The following TTC27 variants were observed in gnomAD, a reference collection of about 807,000 sequenced individuals.
The protein encoded by TTC27 is tetratricopeptide repeat protein 27.
In TTC27, 79 loss-of-function variants were observed where a neutral mutation model predicts 115.9. The ratio of observed to expected loss-of-function variants is 0.68; its 90% CI spans 0.57 to 0.82. The LOEUF (loss-of-function observed/expected upper bound fraction) is 0.82, where lower values mean the gene tolerates loss of function less well. Among genes scored for constraint, TTC27 ranks in the 40% least tolerant of loss-of-function variants. TTC27 has a pLI of 0.00. For missense variants in TTC27, 1,054 were observed against 993.1 expected (o/e 1.06, Z -0.82); for synonymous variants, 401 against 356.0 (o/e 1.13, Z -1.42).
intron 9 of TTC27, among the ~76,000 whole-genome samples, chr2:32,700,442 A>G (rs930634568): frequency 9.9e-5 from 15 of 152,184 alleles, no homozygotes; most frequent in Admixed American, 7.9e-4. Context: ...AATCCCTTTA[A>G]TAAGATGAAA....
intron 9 of TTC27, among the ~76,000 whole-genome samples, chr2:32,693,266 C>T (rs1469330141): frequency 6.6e-6 from 1 of 152,168 alleles, no homozygotes; most frequent in Non-Finnish European, 1.5e-5. Context: ...GAGGGGAGGA[C>T]TTCTGTTGTC....
At chr2:32,658,818 A>G (rs770518399) in intron 5 of TTC27, among the ~76,000 whole-genome samples, 1 of 152,134 alleles carries the variant, frequency 6.6e-6, no homozygotes, top group Non-Finnish European at 1.5e-5. Context: ...TTTATTTCAG[A>G]TGCTGTTTTA....
chr2:32,715,648 G>A (rs946042358), intron 10 of TTC27, among the ~76,000 whole-genome samples: 19 of 152,104 alleles, frequency 1.2e-4, no homozygotes, highest in Admixed American at 2.6e-4. Context: ...GGAGATTATT[G>A]CTCCTGTGTG....
rs545466744 is a variant in TTC27, at chr2:32,737,122, C to T, written c.1452+306C>T. ...ATCATTTTAATGATCACTGGGTTGC[C>T]TGATGATCAGATGCTGTGGGCCTCA... On this transcript the variant is annotated intron_variant, in intron 12 of 19. Coordinates refer to ENST00000317907, the MANE Select transcript of TTC27 (RefSeq NM_017735.5). Among the ~76,000 whole-genome samples the T allele has an allele frequency of 1.3e-3, 201 of 152,218 alleles. 1 individual carries two copies. The highest frequency in any genetic ancestry group is 4.6e-3 in the African/African-American group (193 of 41,532).
intron 12 of TTC27, among the ~76,000 whole-genome samples, chr2:32,741,712 C>T (rs1668654176): frequency 6.6e-6 from 1 of 151,970 alleles, no homozygotes; most frequent in Non-Finnish European, 1.5e-5. Flanking sequence ...CAGAACCTGG[C>T]AAAGTTTTGG....
Position 32,811,881 on chromosome 2 carries a change from G to A in TTC27, c.2197-623G>A, listed in dbSNP as rs183713287. On this transcript the variant is annotated intron_variant, in intron 17 of 19. Coordinates refer to ENST00000317907, the MANE Select transcript of TTC27 (RefSeq NM_017735.5). ...TTGCGTGGGTTTGGAATTAGCCACGGCACAGCTAATCTGTGGGATTCTTAG... is the reference window on the plus strand; with the variant it reads ...TTGCGTGGGTTTGGAATTAGCCACGACACAGCTAATCTGTGGGATTCTTAG... Among the ~76,000 whole-genome samples, 50 of 152,250 alleles carry A rather than the reference G, an allele frequency of 3.3e-4. No homozygotes were observed. The East Asian group carries it at 9.5e-3, about 29-fold the overall frequency.
intron 10 of TTC27, among the ~76,000 whole-genome samples, chr2:32,726,247 A>C (rs143365176): frequency 0.017 from 2,596 of 152,300 alleles, 82 homozygotes; most frequent in African/African-American, 0.058. Context: ...TCTCCTCAGA[A>C]AATGGGATTT....
At chr2:32,804,052 A>G (rs1671050926) in intron 16 of TTC27, among the ~76,000 whole-genome samples, 1 of 152,042 alleles carries the variant, frequency 6.6e-6, no homozygotes, top group Admixed American at 6.6e-5. Flanking sequence ...CTTAGAAAGG[A>G]AATATATTTA....
chr2:32,761,915 A>G (rs1452067280), intron 13 of TTC27, among the ~76,000 whole-genome samples: 2 of 152,188 alleles, frequency 1.3e-5, no homozygotes, highest in African/African-American at 2.4e-5. Flanking sequence ...ATCTTCAACT[A>G]CTTTTTTTCA....
chr2:32,755,608 G>A (rs1315648413), intron 12 of TTC27, among the ~76,000 whole-genome samples: 1 of 140,696 alleles, frequency 7.1e-6, no homozygotes, highest in Non-Finnish European at 1.6e-5. Context: ...GAAAGAGAGG[G>A]AGAGGGAGAC....
chr2:32,741,179 A>G (rs923795722), intron 12 of TTC27, among the ~76,000 whole-genome samples: 1 of 152,202 alleles, frequency 6.6e-6, no homozygotes, highest in Non-Finnish European at 1.5e-5. Flanking sequence ...GCTAACTGCT[A>G]CTTATTCTTT....
intron 5 of TTC27, among the ~76,000 whole-genome samples, chr2:32,656,972 ATC>A (rs1665346695): frequency 6.7e-6 from 1 of 150,338 alleles, no homozygotes; most frequent in African/African-American, 2.4e-5. Flanking sequence ...TTGCAGTAAG[ATC>A]TAGCACAATT....
At chr2:32,815,614 A>G (rs1259497595) in intron 18 of TTC27, among the ~76,000 whole-genome samples, 1 of 152,156 alleles carries the variant, frequency 6.6e-6, no homozygotes, top group Non-Finnish European at 1.5e-5. Flanking sequence ...AGGAAAACTA[A>G]TAGAGTATAT....
chr2:32,642,393 A>C (rs2151864499), intron 4 of TTC27, among the ~76,000 whole-genome samples: 1 of 151,440 alleles, frequency 6.6e-6, no homozygotes, highest in Non-Finnish European at 1.5e-5. Flanking sequence ...CTGGGATTAC[A>C]GGCGCCCACC....
At chr2:32,647,961 A>C (rs1383107715) in intron 4 of TTC27, among the ~76,000 whole-genome samples, 1 of 152,236 alleles carries the variant, frequency 6.6e-6, no homozygotes, top group Non-Finnish European at 1.5e-5. Context: ...CAAATAATTT[A>C]TAATGAGCTT....
chr2:32,701,007 C>T (rs1051667474), intron 9 of TTC27, among the ~76,000 whole-genome samples: 6 of 151,732 alleles, frequency 4.0e-5, no homozygotes, highest in Non-Finnish European at 8.8e-5. Flanking sequence ...TGGAGGCCAA[C>T]GAGATAAGGT....
At chr2:32,696,216 A>G (rs998822262) in intron 9 of TTC27, among the ~76,000 whole-genome samples, 4 of 151,794 alleles carry the variant, frequency 2.6e-5, no homozygotes, top group Non-Finnish European at 5.9e-5. Context: ...TCAGAATGCT[A>G]TTCCTTTTTA....
intron 4 of TTC27, among the ~76,000 whole-genome samples, chr2:32,645,113 A>G (rs1317431142): frequency 6.6e-6 from 1 of 152,096 alleles, no homozygotes; most frequent in African/African-American, 2.4e-5. Context: ...TTAATTTTTG[A>G]GTAACCTGAC....
chr2:32,799,990 G>C (rs1246516220), intron 16 of TTC27, among the ~76,000 whole-genome samples: 2 of 152,244 alleles, frequency 1.3e-5, no homozygotes, highest in South Asian at 4.1e-4. Context: ...ATTTCTGCCA[G>C]TCACTGGCTG....
Sources: gnomAD v4.1 joint callset for allele counts (sites outside exome capture counted in the v4.1 genomes callset) on GRCh38, gnomAD v4.1.1 for gene constraint, MANE v1.5 for transcripts, NCBI Gene and HGNC (gene_info 2026-07-23, HGNC 2026-07-21) for gene names.